The following CHEK1 variants were observed in gnomAD, a reference collection of about 807,000 sequenced individuals.
The protein encoded by CHEK1 is serine/threonine-protein kinase Chk1.
Under a neutral mutation model 60.2 loss-of-function variants are expected in CHEK1, and 32 were observed. The observed-to-expected ratio is 0.53, with a 90% CI of 0.40 to 0.71. The LOEUF is 0.71. Among genes scored for constraint, CHEK1 ranks in the 30% least tolerant of loss-of-function variants. CHEK1 has a pLI of 0.00. For missense variants in CHEK1, 399 were observed against 564.6 expected, an observed-to-expected ratio of 0.71 and a Z score of 2.97; for synonymous variants, 179 against 187.2, an observed-to-expected ratio of 0.96 and a Z score of 0.36.
chr11:125,631,739 T>A (rs1940867779), intron 5 of CHEK1, among the ~76,000 whole-genome samples: 1 of 150,074 alleles, frequency 6.7e-6, no homozygotes, highest in Non-Finnish European at 1.5e-5. Flanking sequence ...ACACCTGGAG[T>A]CCCAGCTACT....
chr11:125,626,461 C>T (rs1352778019), intron 1 of CHEK1: 3 of 472,882 alleles, frequency 6.3e-6, no homozygotes, highest in East Asian at 3.4e-5. Flanking sequence ...CGCCGGAAAG[C>T]ATTTGTCTCC....
At chr11:125,645,100 C>CT (rs1009602326) in intron 11 of CHEK1, among the ~76,000 whole-genome samples, 4 of 151,916 alleles carry the variant, frequency 2.6e-5, no homozygotes, top group Admixed American at 6.6e-5. Context: ...AGAAATAATA[C>CT]TTTTTTTTAT....
At chr11:125,676,522 G>C, downstream of CHEK1, 1 of 1,611,892 alleles carries the variant, frequency 6.2e-7, no homozygotes, top group Non-Finnish European at 8.5e-7. Flanking sequence ...TTGTGGACCA[G>C]ATGTGTAGCC....
At chr11:125,664,214 G>A (rs983876314) in intron 13 of CHEK1, among the ~76,000 whole-genome samples, 2 of 150,528 alleles carry the variant, frequency 1.3e-5, no homozygotes, top group African/African-American at 4.9e-5. Flanking sequence ...TTTCCCTGCT[G>A]ATTAGCCATG....
downstream of CHEK1, among the ~76,000 whole-genome samples, chr11:125,680,154 G>A (rs556884): frequency 0.91 from 137,940 of 152,250 alleles, 62,635 homozygotes; most frequent in African/African-American, 0.97. Context: ...TTTTTTCACT[G>A]AAAGCTCAGA....
At chr11:125,634,960 T>TG (rs1447750514) in intron 6 of CHEK1, among the ~76,000 whole-genome samples, 19 of 130,928 alleles carry the variant, frequency 1.5e-4, no homozygotes, top group African/African-American at 5.5e-4. Flanking sequence ...ATCTGTTTTT[T>TG]GGTTTTTTTT....
Position 125,656,373 on chromosome 11 carries a change from A to G in CHEK1, c.*1053A>G, listed in dbSNP as rs1941902933. 1 of 205,126 alleles carries G rather than the reference A, an allele frequency of 4.9e-6. No individual in the cohort carries two copies. Among genetic ancestry groups the G allele is most frequent in the Non-Finnish European group, 1.0e-5 (1 of 100,258 alleles). The allele number at this position is 205,126 out of a possible 1,614,324, so 12.7% of individuals were successfully genotyped here. On this transcript the variant is annotated 3_prime_UTR_variant, in exon 13 of 13. Transcript: ENST00000438015. ...CTCTAATAAAAATTTTTAAAATTGT[A>G]AAACATTATAAAATTAATCAGTTAT...
chr11:125,631,604 G>T (rs992809897), intron 5 of CHEK1, among the ~76,000 whole-genome samples: 3 of 149,768 alleles, frequency 2.0e-5, no homozygotes, highest in African/African-American at 5.0e-5. Context: ...AGTAGCTCAT[G>T]CCTGTAATCC....
At chr11:125,646,273 G>A (rs137872106) in intron 11 of CHEK1, among the ~76,000 whole-genome samples, 2 of 152,162 alleles carry the variant, frequency 1.3e-5, no homozygotes, top group South Asian at 2.1e-4. Context: ...CATTTAGCAC[G>A]TTTTCAAGGT....
chr11:125,679,764 T>G (rs971237214), downstream of CHEK1, among the ~76,000 whole-genome samples: 1 of 152,220 alleles, frequency 6.6e-6, no homozygotes, highest in Non-Finnish European at 1.5e-5. Context: ...GCGATAGATA[T>G]ATTTTCTTGG....
At chr11:125,630,094 T>G (rs1454355855) in intron 5 of CHEK1, among the ~76,000 whole-genome samples, 1 of 152,194 alleles carries the variant, frequency 6.6e-6, no homozygotes, top group Non-Finnish European at 1.5e-5. Context: ...TGGACCTTAG[T>G]CTTGTCCTGT....
intron 2 of CHEK1, 23 bp downstream of exon 2, chr11:125,626,856 T>G: frequency 6.2e-7 from 1 of 1,613,120 alleles, no homozygotes; most frequent in Non-Finnish European, 8.5e-7. Flanking sequence ...AAGCTTGCCT[T>G]CGTTTTCTGA....
chr11:125,632,951 T>C (rs544913358), intron 5 of CHEK1, among the ~76,000 whole-genome samples: 1 of 152,322 alleles, frequency 6.6e-6, no homozygotes, highest in East Asian at 1.9e-4. Context: ...TTTAAGTTAA[T>C]AGAAGAGGTG....
At chr11:125,642,101 C>G (rs3731442) in intron 8 of CHEK1, among the ~76,000 whole-genome samples, 1 of 152,120 alleles carries the variant, frequency 6.6e-6, no homozygotes, top group Non-Finnish European at 1.5e-5. Context: ...GTGACTGTTC[C>G]TATGTCTGAA....
chr11:125,638,239 A>AT lies in CHEK1; in HGVS notation c.814+703dup, dbSNP rs997269060. Among the ~76,000 whole-genome samples the AT allele has an allele frequency of 4.6e-5, 7 of 151,914 alleles. No homozygotes were observed. The East Asian group carries it at 5.8e-4, about 13-fold the overall frequency. On this transcript the variant is annotated intron_variant, in intron 8 of 12. Coordinates refer to ENST00000438015, the MANE Select transcript of CHEK1 (RefSeq NM_001114122.3). ...TTAAAAATATTTCTCTGACTTCCTT[A>AT]TTTTTTTTCCATTGTTTTTTATGAA...
intron 12 of CHEK1, among the ~76,000 whole-genome samples, chr11:125,654,884 A>G (rs1941859092): frequency 1.3e-5 from 2 of 152,216 alleles, no homozygotes; most frequent in Non-Finnish European, 2.9e-5. Context: ...GTTTAGTTGT[A>G]TAGTTTATTG....
intron 11 of CHEK1, among the ~76,000 whole-genome samples, chr11:125,647,566 T>C (rs1941550335): frequency 6.6e-6 from 1 of 152,128 alleles, no homozygotes; most frequent in African/African-American, 2.4e-5. Context: ...AGAAAAAAAT[T>C]TGGAATTTTA....
At chr11:125,639,265 T>C (rs1941188878) in intron 8 of CHEK1, among the ~76,000 whole-genome samples, 1 of 152,132 alleles carries the variant, frequency 6.6e-6, no homozygotes, top group Non-Finnish European at 1.5e-5. Context: ...ATGTTCACTT[T>C]AAATTCAGGA....
chr11:125,672,412 G>A, intron 13 of CHEK1: 4 of 687,244 alleles, frequency 5.8e-6, no homozygotes, highest in Non-Finnish European at 9.5e-6. Context: ...AGACAGGACA[G>A]AGAAGAATGG....
Sources: allele counts gnomAD v4.1 joint callset (sites outside exome capture counted in the v4.1 genomes callset), GRCh38; gene constraint gnomAD v4.1.1; transcripts MANE v1.5; gene names NCBI Gene and HGNC (gene_info 2026-07-23, HGNC 2026-07-21).